Variants in NSA2 observed in about 807,000 individuals in gnomAD.
The protein encoded by NSA2 is NSA2 ribosome biogenesis factor.
In NSA2, 18 loss-of-function variants were observed where a neutral mutation model predicts 34.8. That is an observed-to-expected ratio of 0.52 (90% CI 0.36 to 0.77). The LOEUF is 0.77. Among genes scored for constraint, NSA2 ranks in the 30% least tolerant of loss-of-function variants. The probability of loss-of-function intolerance (pLI) is 0.00; values close to 1 mark genes in which losing one functional copy is unlikely to be tolerated. For synonymous variants in NSA2, 79 were observed against 100.2 expected (o/e 0.79, Z 1.26); for missense variants, 188 against 314.7 (o/e 0.60, Z 3.05).
At position 74,770,651 on chromosome 5, in the gene NSA2, G is replaced by A. The variant is rs755843311; in HGVS notation, c.363G>A (p.Leu121=). 7 of 1,596,832 alleles carry A rather than the reference G, an allele frequency of 4.4e-6. No homozygotes were observed. In the African/African-American group the frequency reaches 6.8e-5, roughly 15 times the overall value. ...TTTAGGGAAAATGGGAAGTCCCTCT[G>A]CCTAAAGTACGTGCCCAGGGAGAAA... The part of the protein sequence containing the change: ...KEKAGKWEVP[L]PKVRAQGETE... Residue 121 remains leucine, a synonymous_variant, in exon 4 of 6, where the codon CTG becomes CTA. Coordinates refer to ENST00000610426, the MANE Select transcript of NSA2 (RefSeq NM_014886.6).
intron 5 of NSA2, among the ~76,000 whole-genome samples, chr5:74,776,396 C>T (rs1196460998): frequency 6.6e-6 from 1 of 152,042 alleles, no homozygotes; most frequent in Non-Finnish European, 1.5e-5. Context: ...CCCAGCTACC[C>T]GGAAGACTGA....
At chr5:74,773,308 A>G (rs1734439884) in intron 4 of NSA2, among the ~76,000 whole-genome samples, 1 of 150,844 alleles carries the variant, frequency 6.6e-6, no homozygotes, top group African/African-American at 2.4e-5. Flanking sequence ...AAATCTGGGT[A>G]TGTTGCTAGG....
chr5:74,776,748 T>TACCA lies in NSA2; in HGVS notation c.*79_*82dup. 3.8e-6 allele frequency: 3 copies of TACCA among 785,906 alleles called. No individual in the cohort carries two copies. The South Asian group carries it at 4.3e-5, about 11-fold the overall frequency. The allele number at this position is 785,906 out of a possible 1,614,324, so 48.7% of individuals were successfully genotyped here. ...CCATTACTGTGATGTTTCTGAATAC[T>TACCA]ACCAAACAGCCATACATGTCTGCAA... On this transcript the variant is annotated 3_prime_UTR_variant, in exon 6 of 6. Transcript: ENST00000610426.
intron 3 of NSA2, among the ~76,000 whole-genome samples, chr5:74,770,266 G>A (rs1744872164): frequency 6.6e-6 from 1 of 151,316 alleles, no homozygotes; most frequent in African/African-American, 2.4e-5. Flanking sequence ...AGGAGGCGGA[G>A]GCTGCACAGT....
chr5:74,775,745 A>G (rs1396225516), intron 5 of NSA2, among the ~76,000 whole-genome samples: 11 of 152,292 alleles, frequency 7.2e-5, no homozygotes, highest in Non-Finnish European at 1.5e-5. Context: ...CGAGGGAGGC[A>G]TACAACATAT....
In NSA2 at chr5:74,770,694, A is replaced by G; in HGVS notation, c.406A>G (p.Ile136Val). 2 of 1,613,216 alleles carry G rather than the reference A, an allele frequency of 1.2e-6. No homozygotes were observed. Among genetic ancestry groups the G allele is most frequent in the Non-Finnish European group, 1.7e-6 (2 of 1,179,366 alleles). Residue 136 changes from isoleucine to valine, a missense_variant, in exon 4 of 6, where the codon ATT becomes GTT. Physicochemically the swap from Ile to Val is conservative, Grantham distance 29. Transcript: ENST00000610426. ...AQGETEVLKV[I>V]RTGKRKKKAW... is the part of the protein sequence containing the mutation. ...GGGAGAAACAGAAGTATTAAAAGTTATTCGAACAGGAAAGAGAAAGAAGAA... is the reference window on the plus strand; with the variant it reads ...GGGAGAAACAGAAGTATTAAAAGTTGTTCGAACAGGAAAGAGAAAGAAGAA...
chr5:74,771,151 G>C lies in NSA2; in HGVS notation c.522+341G>C, dbSNP rs571498727. On this transcript the variant is annotated intron_variant, in intron 4 of 5. Transcript: ENST00000610426. ...AAAAATAAGCTGGGCGTGGTGGCGG[G>C]CGCCTGTAATCCCAGCTACTAGGGA... Among the ~76,000 whole-genome samples the C allele has an allele frequency of 2.6e-5, 4 of 151,752 alleles. No individual in the cohort carries two copies. The South Asian group carries it at 6.2e-4, about 24-fold the overall frequency.
rs1459614641 is a variant in NSA2, at chr5:74,774,005, T to A, written c.660T>A (p.Ile220=). 1 of 1,613,858 alleles carries A rather than the reference T, an allele frequency of 6.2e-7. No individual in the cohort carries two copies. Among genetic ancestry groups the A allele is most frequent in the African/African-American group, 1.3e-5 (1 of 74,916 alleles). Residue 220 remains isoleucine (I), a synonymous_variant, in exon 5 of 6, where the codon ATT becomes ATA. Coordinates refer to ENST00000610426, the MANE Select transcript of NSA2 (RefSeq NM_014886.6). Reference sequence around the variant, plus strand: ...GTGTTATTACCAAAGGTACTGTCATTGAAGTAAATGTGAGCGAATTGGGCC... The same window carrying A: ...GTGTTATTACCAAAGGTACTGTCATAGAAGTAAATGTGAGCGAATTGGGCC... ...TLGVITKGTV[I]EVNVSELGLV...
In NSA2 at chr5:74,774,050, A is replaced by G. The variant is rs773463111; in HGVS notation, c.705A>G (p.Lys235=). Residue 235 remains lysine (K), a synonymous_variant, in exon 5 of 6, where the codon AAA becomes AAG. Coordinates refer to ENST00000610426, the MANE Select transcript of NSA2 (RefSeq NM_014886.6). ...TGGGCCTTGTGACACAAGGAGGCAA[A>G]GTTATTTGGGGTAAGTGAATTTTTG... ...SELGLVTQGG[K]VIWGKYAQVT... 1 of 1,613,212 alleles carries G rather than the reference A, an allele frequency of 6.2e-7. No homozygotes were observed. Among genetic ancestry groups the G allele is most frequent in the Non-Finnish European group, 8.5e-7 (1 of 1,179,330 alleles).
At chr5:74,776,513 AG>A (rs1745129146) in intron 5 of NSA2, 90 bp from the exon 6 acceptor site, 1 of 693,752 alleles carries the variant, frequency 1.4e-6, no homozygotes, top group Non-Finnish European at 2.5e-6. Flanking sequence ...TAAGACAAAA[AG>A]AAAAAAAAGG....
chr5:74,775,565 A>G (rs757922513), intron 5 of NSA2, among the ~76,000 whole-genome samples: 1 of 152,030 alleles, frequency 6.6e-6, no homozygotes, highest in Non-Finnish European at 1.5e-5. Flanking sequence ...AGCTGAGATC[A>G]TGCCACTGCA....
At chr5:74,773,351 T>C (rs1055419797) in intron 4 of NSA2, among the ~76,000 whole-genome samples, 4 of 151,626 alleles carry the variant, frequency 2.6e-5, no homozygotes, top group African/African-American at 9.7e-5. Context: ...AAAAAAACTT[T>C]TCAGAGGCTA....
In NSA2 at chr5:74,773,973, A is replaced by T. The variant is rs767729492; in HGVS notation, c.628A>T (p.Thr210Ser). Residue 210 changes from threonine (T) to serine (S), a missense_variant, in exon 5 of 6, where the codon ACT becomes TCT. Coordinates refer to ENST00000610426, the MANE Select transcript of NSA2 (RefSeq NM_014886.6). Reference sequence around the variant, plus strand: ...GAATCCCTCATCCCCACTGTATACAACTTTGGGTGTTATTACCAAAGGTAC... The same window carrying T: ...GAATCCCTCATCCCCACTGTATACATCTTTGGGTGTTATTACCAAAGGTAC... Reference protein sequence around the residue: ...KKNPSSPLYTTLGVITKGTVI... With the variant: ...KKNPSSPLYTSLGVITKGTVI... The T allele has an allele frequency of 1.2e-6, 2 of 1,613,898 alleles. No homozygotes were observed. Among genetic ancestry groups the T allele is most frequent in the African/African-American group, 1.3e-5 (1 of 74,914 alleles).
chr5:74,770,594 A>G (rs1580052492), intron 3 of NSA2, 37 bp from the exon 4 acceptor site: 1 of 1,433,414 alleles, frequency 7.0e-7, no homozygotes, highest in Non-Finnish European at 9.5e-7. Flanking sequence ...TTGTCCTTTA[A>G]TAACAATATA....
In NSA2 at chr5:74,773,875, G is replaced by A. The variant is rs1244410682; in HGVS notation, c.530G>A (p.Arg177His). The change falls in exon 5 of 6, where the codon CGT (arginine) becomes CAT (histidine). Residue 177 changes from arginine to histidine, a missense_variant. Arg to His is a conservative substitution (Grantham distance 29). Transcript: ENST00000610426. ...TTGTGTTTGACTTACTAGGGCTTGCGTTTCAAGAAAGCCCATGTAACACAT... is the reference window on the plus strand; with the variant it reads ...TTGTGTTTGACTTACTAGGGCTTGCATTTCAAGAAAGCCCATGTAACACAT... ...YERFIRPMGLRFKKAHVTHPE... is the reference protein window; with the variant it reads ...YERFIRPMGLHFKKAHVTHPE... 5 of 1,611,678 alleles carry A rather than the reference G, an allele frequency of 3.1e-6. No homozygotes were observed. Among genetic ancestry groups the A allele is most frequent in the Non-Finnish European group, 1.7e-6 (2 of 1,178,758 alleles).
In NSA2 at chr5:74,779,307, T is replaced by C. The variant is rs1028004792; in HGVS notation, c.*2636T>C. On this transcript the variant is annotated 3_prime_UTR_variant, in exon 6 of 6. Transcript: ENST00000610426. ...CTACACTTGTCTAAAGAAAGTCTTTTAGTGCTCACTTCGGCAGCACATATA... is the reference window on the plus strand; with the variant it reads ...CTACACTTGTCTAAAGAAAGTCTTTCAGTGCTCACTTCGGCAGCACATATA... 1.3e-5 allele frequency: 2 copies of C among 152,166 alleles called. No homozygotes were observed. Among genetic ancestry groups the C allele is most frequent in the South Asian group, 2.1e-4 (1 of 4,828 alleles). The allele number at this position is 152,166 out of a possible 1,614,324, so 9.4% of individuals were successfully genotyped here.
At chr5:74,771,005 C>A (rs1466371506) in intron 4 of NSA2, among the ~76,000 whole-genome samples, 195 bp downstream of exon 4, 3 of 152,238 alleles carry the variant, frequency 2.0e-5, no homozygotes, top group Non-Finnish European at 4.4e-5. Flanking sequence ...TAGCCCAGTG[C>A]GGTGGCTCAC....
chr5:74,773,936 T>C lies in NSA2; in HGVS notation c.591T>C (p.Leu197=). The C allele has an allele frequency of 6.2e-7, 1 of 1,613,918 alleles. No individual in the cohort carries two copies. The highest frequency in any genetic ancestry group is 1.1e-5 in the South Asian group (1 of 91,066). ...ELKATFCLPI[L]GVKKNPSSPL... is the part of the protein sequence containing the mutation. ...AAGCCACCTTTTGCCTACCAATACTTGGTGTAAAGAAGAATCCCTCATCCC... is the reference window on the plus strand; with the variant it reads ...AAGCCACCTTTTGCCTACCAATACTCGGTGTAAAGAAGAATCCCTCATCCC... The change falls in exon 5 of 6, where the codon CTT becomes CTC. Residue 197 remains leucine (L), a synonymous_variant. Coordinates refer to ENST00000610426, the MANE Select transcript of NSA2 (RefSeq NM_014886.6).
chr5:74,775,744 C>T (rs1376935600), intron 5 of NSA2, among the ~76,000 whole-genome samples: 1 of 151,584 alleles, frequency 6.6e-6, no homozygotes, highest in Non-Finnish European at 1.5e-5. Context: ...CCGAGGGAGG[C>T]ATACAACATA....
Sources: allele counts gnomAD v4.1 joint callset (sites outside exome capture counted in the v4.1 genomes callset), GRCh38; gene constraint gnomAD v4.1.1; transcripts MANE v1.5; gene names NCBI Gene and HGNC (gene_info 2026-07-23, HGNC 2026-07-21).